Variants in HACL1 observed in about 807,000 individuals in gnomAD.
HACL1 encodes the protein 1600020H07Rik.
In HACL1, 64 loss-of-function variants were observed where a neutral mutation model predicts 74.2. The observed-to-expected ratio is 0.86, with a 90% confidence interval of 0.70 to 1.06. The LOEUF is 1.06. Among genes scored for constraint, HACL1 ranks in the 50% least tolerant of loss-of-function variants. The pLI, the probability that HACL1 is intolerant of heterozygous loss-of-function variation, is 0.00. For missense variants in HACL1, 728 were observed against 719.7 expected (o/e 1.01, Z -0.13); for synonymous variants, 230 against 238.8 (o/e 0.96, Z 0.34).
intron 2 of HACL1, among the ~76,000 whole-genome samples, chr3:15,597,694 C>CA (rs1484033473): frequency 7.2e-6 from 1 of 138,592 alleles, no homozygotes; most frequent in African/African-American, 2.7e-5. Context: ...ATCATACACC[C>CA]ACTGAGAACC....
Position 15,591,622 on chromosome 3 carries a change from C to T in HACL1, c.286G>A (p.Ala96Thr). 2 of 1,607,204 alleles carry T rather than the reference C, an allele frequency of 1.2e-6. No homozygotes were observed. The highest frequency in any genetic ancestry group is 1.7e-5 in the Admixed American group (1 of 59,960). ...PGLIHALGGM[A>T]NANMNCWPLL... ...TACCAGCAGTTCATGTTTGCATTTG[C>T]CATACCGCCCAAGGCATGGATGAGA... The change falls in exon 4 of 17, where the codon GCA (alanine) becomes ACA (threonine). Residue 96 changes from alanine to threonine, a missense_variant. Coordinates refer to ENST00000321169, the MANE Select transcript of HACL1 (RefSeq NM_012260.4).
chr3:15,586,723 T>C, intron 5 of HACL1, 121 bp from the exon 6 acceptor site: 1 of 611,182 alleles, frequency 1.6e-6, no homozygotes, highest in Non-Finnish European at 2.9e-6. Flanking sequence ...AGAAAATATA[T>C]TGCCTAGACT....
At chr3:15,573,625 T>C (rs2063574161) in intron 10 of HACL1, among the ~76,000 whole-genome samples, 1 of 152,230 alleles carries the variant, frequency 6.6e-6, no homozygotes, top group South Asian at 2.1e-4. Context: ...TCACCTGGTA[T>C]ATTCTGGGCT....
At chr3:15,562,972 G>A (rs747220936) in intron 16 of HACL1, among the ~76,000 whole-genome samples, 186 of 105,128 alleles carry the variant, frequency 1.8e-3, no homozygotes, top group Non-Finnish European at 3.1e-3. Context: ...CACCTCCTCT[G>A]AGAAGCCTTC....
chr3:15,574,870 A>G (rs1381100965), intron 10 of HACL1, 107 bp downstream of exon 10: 2 of 521,330 alleles, frequency 3.8e-6, no homozygotes, highest in East Asian at 5.8e-5. Flanking sequence ...GTAAAAAGAG[A>G]ACAGTTTTTT....
At chr3:15,567,376 AT>A (rs1021804368) in intron 14 of HACL1, among the ~76,000 whole-genome samples, 4,887 of 140,118 alleles carry the variant, frequency 0.035, 192 homozygotes, top group African/African-American at 0.1. Flanking sequence ...CGTCTGGCTA[AT>A]TTTTTTTTTT....
chr3:15,578,290 T>C lies in HACL1; in HGVS notation c.803+1620A>G, dbSNP rs1425729845. On this transcript the variant is annotated intron_variant, in intron 9 of 16. Transcript: ENST00000321169. ...TATGTAAGTGTTCATTACATTATTC[T>C]CTCTTCCTGTGTGTATAGTTAGAAT... Among the ~76,000 whole-genome samples the C allele has an allele frequency of 4.6e-5, 7 of 152,248 alleles. No homozygotes were observed. In the East Asian group the frequency reaches 1.3e-3, roughly 29 times the overall value.
At chr3:15,596,243 G>C (rs944832200) in intron 3 of HACL1, 141 bp downstream of exon 3, 1 of 619,978 alleles carries the variant, frequency 1.6e-6, no homozygotes, top group Non-Finnish European at 2.9e-6. Context: ...GGTCCTCAGA[G>C]AGTTTTAAAT....
At chr3:15,591,920 T>C (rs1489453722) in intron 3 of HACL1, among the ~76,000 whole-genome samples, 2 of 149,822 alleles carry the variant, frequency 1.3e-5, no homozygotes, top group African/African-American at 4.9e-5. Context: ...GTATATAGTG[T>C]ATATATACGT....
intron 15 of HACL1, 83 bp downstream of exon 15, chr3:15,564,468 A>T (rs988343415): frequency 7.2e-6 from 5 of 697,620 alleles, no homozygotes; most frequent in East Asian, 5.5e-5. Context: ...ATGTAGGCAC[A>T]TTACTGCCAA....
At chr3:15,598,210 G>A (rs984496654) in intron 2 of HACL1, among the ~76,000 whole-genome samples, 1 of 151,920 alleles carries the variant, frequency 6.6e-6, no homozygotes, top group Non-Finnish European at 1.5e-5. Flanking sequence ...TTTTAGAAAC[G>A]GGGTTTCTCC....
At chr3:15,563,315 A>G (rs1415980492) in intron 16 of HACL1, 43 bp downstream of exon 16, 1 of 1,323,202 alleles carries the variant, frequency 7.6e-7, no homozygotes, top group Non-Finnish European at 1.1e-6. Flanking sequence ...GGGATAGGGG[A>G]AGCAGATGCA....
chr3:15,574,792 T>C (rs1283736081), intron 10 of HACL1, among the ~76,000 whole-genome samples, 185 bp downstream of exon 10: 2 of 152,258 alleles, frequency 1.3e-5, no homozygotes, highest in Admixed American at 6.5e-5. Flanking sequence ...CTATATTTCA[T>C]AGGCTAGAAA....
At chr3:15,588,804 A>ATTTTTTTTTTTTTTTTTTTTTTTTT (rs1553644278) in intron 5 of HACL1, among the ~76,000 whole-genome samples, 13 of 149,532 alleles carry the variant, frequency 8.7e-5, no homozygotes, top group Non-Finnish European at 1.2e-4. Flanking sequence ...GTTTCTTTTA[A>ATTTTTTTTTTTTTTTTTTTTTTTTT]TTTTGACATG....
chr3:15,592,191 C>T (rs191358796), intron 3 of HACL1, among the ~76,000 whole-genome samples: 8 of 148,796 alleles, frequency 5.4e-5, no homozygotes, highest in South Asian at 2.1e-4. Flanking sequence ...TGTATACATA[C>T]GTATATATGT....
chr3:15,577,392 T>A (rs759943468), intron 9 of HACL1, among the ~76,000 whole-genome samples: 29 of 150,926 alleles, frequency 1.9e-4, no homozygotes, highest in Non-Finnish European at 3.1e-4. Context: ...ACCAAACACA[T>A]GACAGTAATA....
intron 9 of HACL1, among the ~76,000 whole-genome samples, chr3:15,578,867 A>G (rs1349723886): frequency 1.3e-5 from 2 of 152,214 alleles, no homozygotes; most frequent in African/African-American, 4.8e-5. Context: ...GGGAGCAGCA[A>G]GAGCCAGGAA....
At position 15,567,941 on chromosome 3, in the gene HACL1, C is replaced by A. The variant is rs111333255; in HGVS notation, c.1312G>T (p.Val438Leu). 2.8e-4 allele frequency: 450 copies of A among 1,613,834 alleles called. 1 individual carries two copies. In the African/African-American group the frequency reaches 5.3e-3, roughly 19 times the overall value. Residue 438 changes from valine (V) to leucine (L), a missense_variant, in exon 14 of 17, where the codon GTG becomes TTG. Val to Leu is a conservative substitution (Grantham distance 32, BLOSUM62 1). Transcript: ENST00000321169. ...CCAGGGCTTCTATCTTTAGCCACCA[C>A]GGCAGCTGCAATAGCAAATCCCAAA... ...VGLGFAIAAA[V>L]VAKDRSPGQW...
At position 15,580,045 on chromosome 3, in the gene HACL1, C is replaced by A. The variant is rs369579837; in HGVS notation, c.668G>T (p.Gly223Val). The change falls in exon 9 of 17, where the codon GGT becomes GTT. Residue 223 changes from glycine to valine, a missense_variant and splice_region_variant. Physicochemically the swap from Gly to Val is moderately radical, Grantham distance 109. Coordinates refer to ENST00000321169, the MANE Select transcript of HACL1 (RefSeq NM_012260.4). ...AKQPLLIIGKGAAYAHAEESI... is the reference protein window; with the variant it reads ...AKQPLLIIGKVAAYAHAEESI... ...CTCTTCTGCATGAGCGTAAGCAGCA[C>A]CTATAAGAAATGCAAATGTATTGGA... 6.2e-7 allele frequency: 1 copy of A among 1,611,230 alleles called. No individual in the cohort carries two copies. Among genetic ancestry groups the A allele is most frequent in the Non-Finnish European group, 8.5e-7 (1 of 1,178,046 alleles).
Sources: allele counts gnomAD v4.1 joint callset (sites outside exome capture counted in the v4.1 genomes callset), GRCh38; gene constraint gnomAD v4.1.1; transcripts MANE v1.5; gene names NCBI Gene and HGNC (gene_info 2026-07-23, HGNC 2026-07-21).